Variants in GABRB1 observed in about 807,000 individuals in gnomAD.
GABRB1 encodes the protein gamma-aminobutyric acid type A receptor subunit beta1.
GABRB1 carries 17 observed loss-of-function variants against 51.6 expected under a neutral mutation model. The observed-to-expected ratio is 0.33, with a 90% CI of 0.23 to 0.49. The LOEUF is 0.49. Ranked by LOEUF, GABRB1 falls within the 20% of genes least tolerant of loss-of-function variation. The pLI is 0.99. For missense variants in GABRB1, 410 were observed against 600.6 expected, an observed-to-expected ratio of 0.68 and a Z score of 3.32; for synonymous variants, 247 against 218.9, an observed-to-expected ratio of 1.13 and a Z score of -1.14.
At chr4:47,386,525 G>A (rs762771573) in intron 5 of GABRB1, among the ~76,000 whole-genome samples, 2 of 152,148 alleles carry the variant, frequency 1.3e-5, no homozygotes, top group African/African-American at 4.8e-5. Flanking sequence ...TGGGGCCATT[G>A]AGTAACCGTC....
chr4:47,416,186 C>T (rs1728909854), intron 8 of GABRB1, among the ~76,000 whole-genome samples: 1 of 152,070 alleles, frequency 6.6e-6, no homozygotes, highest in Non-Finnish European at 1.5e-5. Context: ...GGGCAAGAAA[C>T]AGCATTGTGC....
At chr4:47,171,525 T>C (rs184062162) in intron 4 of GABRB1, among the ~76,000 whole-genome samples, 181 of 152,248 alleles carry the variant, frequency 1.2e-3, no homozygotes, top group Non-Finnish European at 2.1e-3. Flanking sequence ...ACCACTTCCA[T>C]GATTTTTGCC....
rs180886968 is a variant in GABRB1 at position 47,251,009 on chromosome 4, G to T, written c.462-69118G>T. Among the ~76,000 whole-genome samples the T allele has an allele frequency of 6.6e-5, 10 of 152,230 alleles. No homozygotes were observed. In the East Asian group the frequency reaches 1.2e-3, roughly 18 times the overall value. On this transcript the variant is annotated intron_variant, in intron 4 of 8. Transcript: ENST00000295454. ...TGAACTAGTATTATTTCTTGGGGGGGTGTTAAAGAGTTTTGTTTTGTCATA... is the reference window on the plus strand; with the variant it reads ...TGAACTAGTATTATTTCTTGGGGGGTTGTTAAAGAGTTTTGTTTTGTCATA...
intron 4 of GABRB1, among the ~76,000 whole-genome samples, chr4:47,168,679 G>A (rs558638283): frequency 1.3e-5 from 2 of 152,090 alleles, no homozygotes; most frequent in Non-Finnish European, 2.9e-5. Flanking sequence ...CAGATATATT[G>A]ACAGCGTGAT....
intron 3 of GABRB1, among the ~76,000 whole-genome samples, chr4:47,155,145 A>G (rs1717635635): frequency 6.6e-6 from 1 of 151,956 alleles, no homozygotes; most frequent in African/African-American, 2.4e-5. Context: ...ATAGAATGTG[A>G]CTCTGTTCAA....
chr4:47,112,032 C>T (rs62305308), intron 3 of GABRB1, among the ~76,000 whole-genome samples: 3 of 149,410 alleles, frequency 2.0e-5, no homozygotes, highest in East Asian at 2.0e-4. Context: ...TGCAGTGGCA[C>T]GATCTCGGCT....
intron 4 of GABRB1, among the ~76,000 whole-genome samples, chr4:47,242,155 C>A (rs1028101336): frequency 3.3e-5 from 5 of 152,002 alleles, no homozygotes; most frequent in Non-Finnish European, 5.9e-5. Flanking sequence ...TCTGTCCTTG[C>A]AATAGTTTGC....
chr4:47,094,671 AC>A (rs1488133643), intron 3 of GABRB1, among the ~76,000 whole-genome samples: 2 of 151,962 alleles, frequency 1.3e-5, no homozygotes, highest in African/African-American at 4.8e-5. Context: ...TAGGCTTAAT[AC>A]TTGGGTGGTG....
chr4:47,039,688 T>C (rs1000685834), intron 3 of GABRB1, among the ~76,000 whole-genome samples: 2 of 152,168 alleles, frequency 1.3e-5, no homozygotes, highest in Non-Finnish European at 2.9e-5. Context: ...AGTTAGCAAT[T>C]GTGTAGAAGT....
At chr4:47,259,515 G>A (rs968771086) in intron 4 of GABRB1, among the ~76,000 whole-genome samples, 11 of 152,012 alleles carry the variant, frequency 7.2e-5, no homozygotes, top group African/African-American at 2.4e-4. Flanking sequence ...TCTCATTCAC[G>A]TCTCTCAATC....
chr4:47,189,358 C>T (rs1577986460), intron 4 of GABRB1, among the ~76,000 whole-genome samples: 1 of 151,592 alleles, frequency 6.6e-6, no homozygotes, highest in African/African-American at 2.4e-5. Context: ...ATAACTGTTT[C>T]AGAACTGTAT....
intron 5 of GABRB1, among the ~76,000 whole-genome samples, chr4:47,350,194 T>C (rs1392801303): frequency 2.0e-5 from 1 of 50,148 alleles, no homozygotes; most frequent in Non-Finnish European, 4.1e-5. Flanking sequence ...TATATATATA[T>C]ATATATATAT....
intron 3 of GABRB1, among the ~76,000 whole-genome samples, chr4:47,129,849 G>C (rs1409042104): frequency 5.3e-5 from 8 of 152,150 alleles, no homozygotes; most frequent in Admixed American, 5.2e-4. Context: ...TTTCAGGAAT[G>C]GAAAGTATGT....
At chr4:47,203,021 G>C (rs527729643) in intron 4 of GABRB1, among the ~76,000 whole-genome samples, 6 of 152,142 alleles carry the variant, frequency 3.9e-5, no homozygotes, top group Non-Finnish European at 7.4e-5. Context: ...AGACTCTACT[G>C]CCTCCACCTC....
intron 4 of GABRB1, among the ~76,000 whole-genome samples, chr4:47,292,239 C>T (rs984125281): frequency 7.9e-5 from 12 of 152,270 alleles, no homozygotes; most frequent in African/African-American, 2.6e-4. Context: ...CCATATGAGA[C>T]TTGCCTTTCA....
intron 4 of GABRB1, among the ~76,000 whole-genome samples, chr4:47,178,934 G>A (rs1399280628): frequency 6.6e-6 from 1 of 152,004 alleles, no homozygotes; most frequent in Non-Finnish European, 1.5e-5. Context: ...AATGTAACAT[G>A]TTAGTACAGC....
At chr4:47,057,110 A>G (rs2109519775) in intron 3 of GABRB1, among the ~76,000 whole-genome samples, 1 of 152,208 alleles carries the variant, frequency 6.6e-6, no homozygotes, top group East Asian at 1.9e-4. Flanking sequence ...GTCTCAAAAA[A>G]CAAACAAACA....
intron 1 of GABRB1, among the ~76,000 whole-genome samples, chr4:47,004,674 C>T (rs986491858): frequency 1.3e-5 from 2 of 152,232 alleles, no homozygotes; most frequent in Non-Finnish European, 2.9e-5. Flanking sequence ...TGCGGCCAGA[C>T]ACTTGATTTA....
At chr4:47,067,774 A>G (rs1030288649) in intron 3 of GABRB1, among the ~76,000 whole-genome samples, 1 of 152,118 alleles carries the variant, frequency 6.6e-6, no homozygotes. Context: ...TGTGCAGGAT[A>G]TGCAGGTTTG....
Sources: allele counts gnomAD v4.1 joint callset (sites outside exome capture counted in the v4.1 genomes callset), GRCh38; gene constraint gnomAD v4.1.1; transcripts MANE v1.5; gene names NCBI Gene and HGNC (gene_info 2026-07-23, HGNC 2026-07-21).